The following NXPH1 variants were observed in gnomAD, a reference collection of about 807,000 sequenced individuals.
NXPH1 encodes neurexophilin 1.
In NXPH1, 5 loss-of-function variants were observed where a neutral mutation model predicts 23.7. The ratio of observed to expected loss-of-function variants is 0.21; its 90% CI spans 0.11 to 0.44. The LOEUF (loss-of-function observed/expected upper bound fraction) is 0.44. Ranked by LOEUF, NXPH1 falls within the 20% of genes least tolerant of loss-of-function variation. The probability of loss-of-function intolerance (pLI) is 0.99; values close to 1 mark genes in which losing one functional copy is unlikely to be tolerated. For missense variants in NXPH1, 324 were observed against 321.6 expected (o/e 1.01, Z -0.06); for synonymous variants, 144 against 122.2 (o/e 1.18, Z -1.18).
chr7:8,670,822 T>C (rs1393583591), intron 2 of NXPH1, among the ~76,000 whole-genome samples: 1 of 152,236 alleles, frequency 6.6e-6, no homozygotes, highest in Non-Finnish European at 1.5e-5. Context: ...TTGTTCCTGC[T>C]TTTTCAAGGA....
At chr7:8,734,213 G>C (rs76420129) in intron 2 of NXPH1, among the ~76,000 whole-genome samples, 20,878 of 152,076 alleles carry the variant, frequency 0.14, 1,606 homozygotes, top group South Asian at 0.19. Context: ...TCAGGCCTCT[G>C]TTATGTTCCA....
intron 2 of NXPH1, among the ~76,000 whole-genome samples, chr7:8,461,823 C>T (rs1253269648): frequency 2.1e-5 from 1 of 47,858 alleles, no homozygotes; most frequent in African/African-American, 9.0e-5. Flanking sequence ...GGCGACAGAG[C>T]GAGACTCCGT....
At chr7:8,542,981 C>T (rs1311961305) in intron 2 of NXPH1, among the ~76,000 whole-genome samples, 2 of 151,452 alleles carry the variant, frequency 1.3e-5, no homozygotes, top group Non-Finnish European at 1.5e-5. Flanking sequence ...GCAAATACAG[C>T]CTAAAAGTCA....
chr7:8,593,329 C>T (rs775284718), intron 2 of NXPH1, among the ~76,000 whole-genome samples: 14 of 151,844 alleles, frequency 9.2e-5, no homozygotes, highest in Admixed American at 1.3e-4. Flanking sequence ...ATTTATATTG[C>T]CCACCTAATT....
intron 2 of NXPH1, among the ~76,000 whole-genome samples, chr7:8,609,067 G>A (rs559265352): frequency 1.3e-5 from 2 of 152,210 alleles, no homozygotes; most frequent in African/African-American, 4.8e-5. Flanking sequence ...TGACATCACT[G>A]TTTACAAGAA....
At chr7:8,538,022 A>ACAG (rs1186200643) in intron 2 of NXPH1, among the ~76,000 whole-genome samples, 8 of 152,090 alleles carry the variant, frequency 5.3e-5, no homozygotes, top group African/African-American at 1.7e-4. Context: ...AGCAATAGTT[A>ACAG]CAGCAATGAT....
chr7:8,729,197 A>G (rs1270631040), intron 2 of NXPH1, among the ~76,000 whole-genome samples: 1 of 150,918 alleles, frequency 6.6e-6, no homozygotes, highest in African/African-American at 2.5e-5. Flanking sequence ...CCCCTTTATC[A>G]TTTTTTATTG....
At chr7:8,662,431 C>G (rs892836293) in intron 2 of NXPH1, among the ~76,000 whole-genome samples, 1 of 151,946 alleles carries the variant, frequency 6.6e-6, no homozygotes, top group African/African-American at 2.4e-5. Context: ...GCTTAAGTTA[C>G]TGGAACTTTT....
At chr7:8,745,159 C>T (rs1376839502) in intron 2 of NXPH1, among the ~76,000 whole-genome samples, 1 of 152,188 alleles carries the variant, frequency 6.6e-6, no homozygotes, top group Non-Finnish European at 1.5e-5. Flanking sequence ...AAGTAATGCT[C>T]CCTGGCGTTC....
At chr7:8,520,394 C>A (rs1817750250) in intron 2 of NXPH1, among the ~76,000 whole-genome samples, 1 of 152,194 alleles carries the variant, frequency 6.6e-6, no homozygotes. Flanking sequence ...CTGCTCCCTG[C>A]AGGAGGAGAA....
At chr7:8,644,173 T>G (rs76048187) in intron 2 of NXPH1, among the ~76,000 whole-genome samples, 1 of 152,184 alleles carries the variant, frequency 6.6e-6, no homozygotes, top group African/African-American at 2.4e-5. Context: ...GGAAGAGTTT[T>G]CTTTCTTTGG....
Position 8,679,014 on chromosome 7 carries a change from T to C in NXPH1, c.55-71994T>C, listed in dbSNP as rs193021610. Among the ~76,000 whole-genome samples, 193 of 143,150 alleles carry C rather than the reference T, an allele frequency of 1.3e-3. 1 individual carries two copies. Among genetic ancestry groups the C allele is most frequent in the East Asian group, 4.6e-3 (21 of 4,574 alleles). 93.9% of individuals were successfully genotyped at this position (143,150 alleles called of 152,430 possible). On this transcript the variant is annotated intron_variant, in intron 2 of 2. Transcript: ENST00000405863. Reference sequence around the variant, plus strand: ...CCCAGGCTGAGTGCAGTGGCACGATTTCGGCTCACTGCAAGCTCCGCCTCC... The same window carrying C: ...CCCAGGCTGAGTGCAGTGGCACGATCTCGGCTCACTGCAAGCTCCGCCTCC...
chr7:8,699,058 A>G (rs1344509672), intron 2 of NXPH1, among the ~76,000 whole-genome samples: 1 of 152,152 alleles, frequency 6.6e-6, no homozygotes, highest in Non-Finnish European at 1.5e-5. Flanking sequence ...TGATACAAAT[A>G]ATTACATTTG....
At chr7:8,632,192 C>G (rs1216830434) in intron 2 of NXPH1, among the ~76,000 whole-genome samples, 3 of 152,036 alleles carry the variant, frequency 2.0e-5, no homozygotes, top group Non-Finnish European at 4.4e-5. Context: ...AATTTTCTTC[C>G]TCCAATTAAT....
At chr7:8,601,062 T>A (rs1819348718) in intron 2 of NXPH1, among the ~76,000 whole-genome samples, 1 of 152,168 alleles carries the variant, frequency 6.6e-6, no homozygotes, top group African/African-American at 2.4e-5. Flanking sequence ...TATGCAGATA[T>A]TATGACATTT....
chr7:8,457,550 T>G (rs2128606380), intron 2 of NXPH1, among the ~76,000 whole-genome samples: 1 of 151,488 alleles, frequency 6.6e-6, no homozygotes, highest in African/African-American at 2.4e-5. Context: ...TAGTTTTTTT[T>G]TTTTTAATTT....
chr7:8,740,045 C>T (rs1780334359), intron 2 of NXPH1, among the ~76,000 whole-genome samples: 1 of 152,158 alleles, frequency 6.6e-6, no homozygotes, highest in African/African-American at 2.4e-5. Context: ...ATGCTAATTC[C>T]CACTTCAGTT....
At chr7:8,667,000 G>A (rs1820782093) in intron 2 of NXPH1, among the ~76,000 whole-genome samples, 1 of 151,854 alleles carries the variant, frequency 6.6e-6, no homozygotes, top group Non-Finnish European at 1.5e-5. Flanking sequence ...ACTAACATGA[G>A]GCTTGCTTAG....
In NXPH1 at chr7:8,616,458, C is replaced by T. The variant is rs1261498053; in HGVS notation, c.55-134550C>T. ...TTTTTGTTCTCCCTCGTCATCTCGA[C>T]TCAACTTGTTAAAAACATCATGGGA... On this transcript the variant is annotated intron_variant, in intron 2 of 2. Coordinates refer to ENST00000405863, the MANE Select transcript of NXPH1 (RefSeq NM_152745.3). 1.3e-4 allele frequency among the ~76,000 whole-genome samples: 20 copies of T among 152,138 alleles called. No individual in the cohort carries two copies. In the East Asian group the frequency reaches 3.9e-3, roughly 29 times the overall value.
Sources: allele counts gnomAD v4.1 joint callset (sites outside exome capture counted in the v4.1 genomes callset), GRCh38; gene constraint gnomAD v4.1.1; transcripts MANE v1.5; gene names NCBI Gene and HGNC (gene_info 2026-07-23, HGNC 2026-07-21).